Variants in ALK observed in about 807,000 individuals in gnomAD.
ALK encodes ALK tyrosine kinase receptor.
Under a neutral mutation model 163.1 loss-of-function variants are expected in ALK, and 74 were observed. That is an observed-to-expected ratio of 0.45 (90% CI 0.38 to 0.55). ALK has a LOEUF of 0.55. Ranked by LOEUF, ALK falls within the 20% of genes least tolerant of loss-of-function variation. ALK has a pLI of 0.00. For missense variants in ALK, 2,063 were observed against 2,105.3 expected (o/e 0.98, Z 0.39); for synonymous variants, 960 against 843.2 (o/e 1.14, Z -2.40).
chr2:29,722,363 A>G (rs528765953), intron 1 of ALK, among the ~76,000 whole-genome samples: 1 of 152,228 alleles, frequency 6.6e-6, no homozygotes, highest in Non-Finnish European at 1.5e-5. Context: ...TTGTTTACCC[A>G]TGCTCACACA....
chr2:29,493,999 C>T (rs905301919), intron 4 of ALK, among the ~76,000 whole-genome samples: 4 of 152,214 alleles, frequency 2.6e-5, no homozygotes, highest in Admixed American at 2.6e-4. Context: ...TGGCTCTCCA[C>T]TAACTTGTCG....
chr2:29,655,136 T>C (rs143085851), intron 3 of ALK, among the ~76,000 whole-genome samples: 79 of 152,258 alleles, frequency 5.2e-4, no homozygotes, highest in African/African-American at 1.7e-3. Context: ...GAATAAGCCA[T>C]GTCTGTCTCT....
chr2:29,496,704 G>C (rs931686101), intron 4 of ALK, among the ~76,000 whole-genome samples: 15 of 152,160 alleles, frequency 9.9e-5, no homozygotes, highest in African/African-American at 3.6e-4. Context: ...TCTTAGAATA[G>C]AGATGACAAA....
intron 3 of ALK, among the ~76,000 whole-genome samples, chr2:29,581,961 G>A (rs1674706799): frequency 6.6e-6 from 1 of 152,178 alleles, no homozygotes; most frequent in African/African-American, 2.4e-5. Flanking sequence ...GCTGCAGGAG[G>A]TGGCCATGGC....
intron 3 of ALK, among the ~76,000 whole-genome samples, chr2:29,679,466 T>C (rs1022388533): frequency 1.1e-4 from 16 of 151,140 alleles, no homozygotes; most frequent in Non-Finnish European, 2.1e-4. Context: ...CTTTTCTCTC[T>C]GTTTCTTTCT....
At chr2:29,339,684 T>C (rs567443337) in intron 5 of ALK, among the ~76,000 whole-genome samples, 1 of 152,286 alleles carries the variant, frequency 6.6e-6, no homozygotes, top group African/African-American at 2.4e-5. Context: ...TGAATGAGGC[T>C]GGTGACATAG....
At chr2:29,565,126 G>C (rs74807129) in intron 3 of ALK, among the ~76,000 whole-genome samples, 2,701 of 152,306 alleles carry the variant, frequency 0.018, 78 homozygotes, top group African/African-American at 0.058. Flanking sequence ...ACGTGATATG[G>C]TGCCCTTTGG....
chr2:29,511,956 GT>G (rs1439650393), intron 4 of ALK, among the ~76,000 whole-genome samples: 1 of 152,112 alleles, frequency 6.6e-6, no homozygotes, highest in East Asian at 1.9e-4. Context: ...GTGGGTACAA[GT>G]TCTTTTCAGA....
intron 3 of ALK, among the ~76,000 whole-genome samples, chr2:29,563,189 T>C (rs1674076248): frequency 1.3e-5 from 2 of 152,242 alleles, no homozygotes; most frequent in South Asian, 4.1e-4. Flanking sequence ...TGTAGGTATA[T>C]TGAATACTCA....
intron 4 of ALK, among the ~76,000 whole-genome samples, chr2:29,413,978 T>C (rs1031257775): frequency 6.6e-6 from 1 of 152,246 alleles, no homozygotes; most frequent in Non-Finnish European, 1.5e-5. Context: ...TTTATTATCA[T>C]TATCAAGTAC....
intron 1 of ALK, among the ~76,000 whole-genome samples, chr2:29,809,332 T>A (rs1341181998): frequency 6.6e-6 from 1 of 152,238 alleles, no homozygotes; most frequent in Non-Finnish European, 1.5e-5. Context: ...GCTGTTATTA[T>A]CTCCATCATA....
chr2:29,542,922 T>C (rs1034184885), intron 3 of ALK, among the ~76,000 whole-genome samples: 4 of 152,230 alleles, frequency 2.6e-5, no homozygotes, highest in Admixed American at 2.0e-4. Flanking sequence ...CCATGCTTAA[T>C]CTTGAATCTT....
At chr2:29,633,625 CAA>C (rs1156739718) in intron 3 of ALK, among the ~76,000 whole-genome samples, 1 of 151,696 alleles carries the variant, frequency 6.6e-6, no homozygotes, top group East Asian at 1.9e-4. Flanking sequence ...TTAATTAAAA[CAA>C]AGAGCTAGCT....
intron 9 of ALK, among the ~76,000 whole-genome samples, chr2:29,285,287 G>A (rs1329247226): frequency 6.6e-6 from 1 of 152,044 alleles, no homozygotes; most frequent in Non-Finnish European, 1.5e-5. Context: ...ACAGAGTCTA[G>A]CTCTGCCACC....
rs534125172 is a variant in ALK at position 29,857,953 on chromosome 2, G to A, written c.667+62040C>T. On this transcript the variant is annotated intron_variant, in intron 1 of 28. Transcript: ENST00000389048. ...AGTTTCTGCCAATGGTAACATCTTC[G>A]TAACTTTAGTGCAATAGCATAACCA... is the stretch of plus-strand genomic sequence containing the variant. Among the ~76,000 whole-genome samples the A allele has an allele frequency of 3.9e-5, 6 of 152,274 alleles. 1 individual carries two copies. Among genetic ancestry groups the A allele is most frequent in the African/African-American group, 1.2e-4 (5 of 41,566 alleles).
chr2:29,826,117 C>A (rs1665189716), intron 1 of ALK, among the ~76,000 whole-genome samples: 2 of 152,082 alleles, frequency 1.3e-5, no homozygotes, highest in Admixed American at 1.3e-4. Flanking sequence ...CAGTGCCCCT[C>A]CCCACCCCCT....
intron 3 of ALK, among the ~76,000 whole-genome samples, chr2:29,561,544 T>C (rs1674023794): frequency 6.6e-6 from 1 of 152,204 alleles, no homozygotes; most frequent in Non-Finnish European, 1.5e-5. Flanking sequence ...AAATGGAGCA[T>C]GTTCACTGTC....
rs745639277 is a variant in ALK at position 29,255,571 on chromosome 2, C to T, written c.2042-4304G>A. ...TTTAGGGAGAAGTGACTTTTCTGAG[C>T]CTATCAGTATTGGAGAAGGAACCAA... On this transcript the variant is annotated intron_variant, in intron 11 of 28. Coordinates refer to ENST00000389048, the MANE Select transcript of ALK (RefSeq NM_004304.5). Among the ~76,000 whole-genome samples, 4 of 152,052 alleles carry T rather than the reference C, an allele frequency of 2.6e-5. No individual in the cohort carries two copies. In the East Asian group the frequency reaches 7.7e-4, roughly 29 times the overall value.
At chr2:29,626,236 G>A (rs913212194) in intron 3 of ALK, among the ~76,000 whole-genome samples, 5 of 152,172 alleles carry the variant, frequency 3.3e-5, no homozygotes, top group Non-Finnish European at 5.9e-5. Context: ...TGACTTGGCT[G>A]TGTCCCCACC....
Sources: gnomAD v4.1 joint callset for allele counts (sites outside exome capture counted in the v4.1 genomes callset) on GRCh38, gnomAD v4.1.1 for gene constraint, MANE v1.5 for transcripts, NCBI Gene and HGNC (gene_info 2026-07-23, HGNC 2026-07-21) for gene names.